Variants in ARB2A observed in about 807,000 individuals in gnomAD.
ARB2A encodes the protein cotranscriptional regulator ARB2A.
chr5:93,657,043 A>T, the ARB2A span, among the ~76,000 whole-genome samples: 1 of 152,178 alleles, frequency 6.6e-6, no homozygotes, highest in Non-Finnish European at 1.5e-5. Context: ...CGACTTCCAT[A>T]TGTCAGAGAG....
At chr5:93,771,583 T>A in the ARB2A span, among the ~76,000 whole-genome samples, 58 of 152,144 alleles carry the variant, frequency 3.8e-4, 1 homozygote, top group Admixed American at 2.8e-3. Context: ...ATCCAGAATC[T>A]ATAATGAACT....
chr5:93,972,981 C>T, the ARB2A span, among the ~76,000 whole-genome samples: 1 of 151,790 alleles, frequency 6.6e-6, no homozygotes, highest in Admixed American at 6.6e-5. Flanking sequence ...GACAGTCTCG[C>T]TCTGTTGCCC....
chr5:93,765,186 T>C, the ARB2A span, among the ~76,000 whole-genome samples: 1 of 152,194 alleles, frequency 6.6e-6, no homozygotes, highest in Non-Finnish European at 1.5e-5. Flanking sequence ...TGTTGGAAGT[T>C]CTGGCCAGGG....
At chr5:93,711,609 A>G in the ARB2A span, among the ~76,000 whole-genome samples, 27 of 152,370 alleles carry the variant, frequency 1.8e-4, no homozygotes, top group East Asian at 5.2e-3. Context: ...TGTCAAGTAC[A>G]ACCATTTCAG....
chr5:93,929,505 G>C, the ARB2A span, among the ~76,000 whole-genome samples: 3 of 152,004 alleles, frequency 2.0e-5, no homozygotes, highest in Non-Finnish European at 2.9e-5. Flanking sequence ...AGTTGCTTTA[G>C]GAAAGTATAA....
the ARB2A span, chr5:93,733,423 T>C: frequency 6.6e-6 from 1 of 152,276 alleles, no homozygotes. Flanking sequence ...ATGGTCTTGA[T>C]ATCTTGACCT....
chr5:93,853,132 T>C, the ARB2A span, among the ~76,000 whole-genome samples: 5 of 152,118 alleles, frequency 3.3e-5, no homozygotes, highest in South Asian at 2.1e-4. Context: ...TTTTATTTCA[T>C]TGAGCAGTGG....
the ARB2A span, among the ~76,000 whole-genome samples, chr5:94,104,930 G>T: frequency 6.6e-6 from 1 of 151,814 alleles, no homozygotes; most frequent in Non-Finnish European, 1.5e-5. Context: ...TGCAGAAAAG[G>T]CTTTTGATAA....
chr5:93,979,969 C>T, the ARB2A span, among the ~76,000 whole-genome samples: 1 of 151,908 alleles, frequency 6.6e-6, no homozygotes, highest in African/African-American at 2.4e-5. Flanking sequence ...CTTTTTAACG[C>T]ATCTTACCTC....
the ARB2A span, among the ~76,000 whole-genome samples, chr5:93,795,135 T>TG: frequency 1.3e-5 from 2 of 151,460 alleles, no homozygotes; most frequent in East Asian, 2.0e-4. Flanking sequence ...GCAGCTGCTA[T>TG]GGGGGGTGGG....
chr5:94,047,492 CAA>C, the ARB2A span, among the ~76,000 whole-genome samples: 37 of 81,108 alleles, frequency 4.6e-4, no homozygotes, highest in Non-Finnish European at 4.8e-4. Context: ...GACTCCATCT[CAA>C]AAAAAAAAAA....
At chr5:93,718,964 T>A in the ARB2A span, among the ~76,000 whole-genome samples, 1 of 152,224 alleles carries the variant, frequency 6.6e-6, no homozygotes, top group Non-Finnish European at 1.5e-5. Flanking sequence ...CTGATGCAGA[T>A]GCCTGATTTC....
the ARB2A span, among the ~76,000 whole-genome samples, chr5:93,782,613 G>C: frequency 2.0e-5 from 3 of 152,106 alleles, no homozygotes; most frequent in African/African-American, 7.2e-5. Context: ...TTGGGAGTGA[G>C]ACTGTAACAA....
chr5:93,774,741 C>T, the ARB2A span, among the ~76,000 whole-genome samples: 1 of 152,142 alleles, frequency 6.6e-6, no homozygotes, highest in Non-Finnish European at 1.5e-5. Flanking sequence ...TAGCTTCATT[C>T]AGGCCTGAGT....
chr5:93,720,073 C>T, the ARB2A span, among the ~76,000 whole-genome samples: 8 of 152,298 alleles, frequency 5.3e-5, no homozygotes, highest in East Asian at 1.4e-3. Context: ...TTTGTAAAAC[C>T]CATCTAATTA....
the ARB2A span, among the ~76,000 whole-genome samples, chr5:93,801,179 C>T: frequency 6.6e-6 from 1 of 152,152 alleles, no homozygotes; most frequent in Non-Finnish European, 1.5e-5. Context: ...GGATCTAAGC[C>T]TCATCACTGG....
chr5:93,997,923 A>C, the ARB2A span, among the ~76,000 whole-genome samples: 2 of 152,056 alleles, frequency 1.3e-5, no homozygotes, highest in African/African-American at 4.8e-5. Context: ...AAAACAAAGT[A>C]ATCAGAATCC....
the ARB2A span, among the ~76,000 whole-genome samples, chr5:93,957,984 T>C: frequency 6.6e-6 from 1 of 151,806 alleles, no homozygotes; most frequent in Non-Finnish European, 1.5e-5. Flanking sequence ...AAAAAAAAAA[T>C]CTACTCATGT....
the ARB2A span, among the ~76,000 whole-genome samples, chr5:93,993,970 G>A: frequency 2.6e-5 from 4 of 151,980 alleles, no homozygotes; most frequent in Non-Finnish European, 5.9e-5. Flanking sequence ...GCCACCTGAG[G>A]CAGGCACATA....
Sources: allele counts gnomAD v4.1 joint callset (sites outside exome capture counted in the v4.1 genomes callset), GRCh38; gene constraint gnomAD v4.1.1; transcripts MANE v1.5; gene names NCBI Gene and HGNC (gene_info 2026-07-23, HGNC 2026-07-21).